The following COL4A4 variants were observed in gnomAD, a reference collection of about 807,000 sequenced individuals.
COL4A4 encodes collagen type IV alpha 4 chain.
Under a neutral mutation model 192.9 loss-of-function variants are expected in COL4A4, and 105 were observed. That is an observed-to-expected ratio of 0.54 (90% CI 0.46 to 0.64). The LOEUF (loss-of-function observed/expected upper bound fraction) is 0.64. Among genes scored for constraint, COL4A4 ranks in the 30% least tolerant of loss-of-function variants. The pLI, the probability that COL4A4 is intolerant of heterozygous loss-of-function variation, is 0.00. For missense variants in COL4A4, 1,967 were observed against 2,169.3 expected (o/e 0.91, Z 1.85); for synonymous variants, 762 against 769.9 (o/e 0.99, Z 0.17).
the COL4A4 span, among the ~76,000 whole-genome samples, chr2:226,984,556 A>T: frequency 5.3e-5 from 8 of 152,138 alleles, no homozygotes; most frequent in Admixed American, 3.3e-4. Flanking sequence ...CAACGTATGG[A>T]TTTTGAGGGA....
At position 227,146,508 on chromosome 2, in the gene COL4A4, T is replaced by C. The variant is rs574746272; in HGVS notation, c.71+905A>G. Among the ~76,000 whole-genome samples, 6 of 152,262 alleles carry C rather than the reference T, an allele frequency of 3.9e-5. No individual in the cohort carries two copies. In the South Asian group the frequency reaches 1.2e-3, roughly 32 times the overall value. On this transcript the variant is annotated intron_variant, in intron 2 of 47. Transcript: ENST00000396625. ...TGTCATTTTGAGTCTCGTTGAACAA[T>C]CTCATATTGGTTTCCTGTTTTCCTA...
chr2:227,015,491 A>C (rs2149793850), intron 44 of COL4A4, among the ~76,000 whole-genome samples: 1 of 152,252 alleles, frequency 6.6e-6, no homozygotes, highest in African/African-American at 2.4e-5. Context: ...AAGCTCGAGA[A>C]CCAAAGCCTT....
At chr2:226,987,340 A>T in the COL4A4 span, among the ~76,000 whole-genome samples, 1 of 144,646 alleles carries the variant, frequency 6.9e-6, no homozygotes, top group Non-Finnish European at 1.5e-5. Context: ...CTTAAAGTAT[A>T]AAAAAAAAAA....
Position 227,138,760 on chromosome 2 carries a change from G to A in COL4A4, c.192+1401C>T, listed in dbSNP as rs1265971095. On this transcript the variant is annotated intron_variant, in intron 4 of 47. Coordinates refer to ENST00000396625, the MANE Select transcript of COL4A4 (RefSeq NM_000092.5). ...GTCATAACTTATGCTCAATAAGGTA[G>A]CTGCTCCCAGTAAAATAGGCCAACA... Among the ~76,000 whole-genome samples, 4 of 152,296 alleles carry A rather than the reference G, an allele frequency of 2.6e-5. No homozygotes were observed. In the East Asian group the frequency reaches 5.8e-4, roughly 22 times the overall value.
rs750876779 is a variant in COL4A4, at chr2:227,098,775, G to T, written c.1123C>A (p.Pro375Thr). 6.2e-7 allele frequency: 1 copy of T among 1,614,002 alleles called. No homozygotes were observed. The highest frequency in any genetic ancestry group is 2.2e-5 in the East Asian group (1 of 44,876). ...LKGPPGDPGF[P>T]GRYGETGDVG... ...TCCCCTGTTTCTCCATAGCGGCCAG[G>T]GAACCCTGGGTCCCCTGGTGGGCCT... is the stretch of plus-strand genomic sequence containing the variant. Residue 375 changes from proline (P) to threonine (T), a missense_variant, in exon 19 of 48, where the codon CCT becomes ACT. Pro to Thr is a conservative substitution (Grantham distance 38, BLOSUM62 -1). Coordinates refer to ENST00000396625, the MANE Select transcript of COL4A4 (RefSeq NM_000092.5).
At chr2:227,120,863 TG>T in intron 5 of COL4A4, 150 bp downstream of exon 5, 1 of 949,200 alleles carries the variant, frequency 1.1e-6, no homozygotes, top group Non-Finnish European at 1.6e-6. Context: ...CGCTTGAACC[TG>T]GGAGGCGAAG....
At chr2:227,100,325 G>A (rs936499284) in intron 17 of COL4A4, among the ~76,000 whole-genome samples, 2 of 151,224 alleles carry the variant, frequency 1.3e-5, no homozygotes, top group Non-Finnish European at 1.5e-5. Flanking sequence ...CTTCTCAAAT[G>A]TAGAACATAA....
chr2:227,074,053 C>T (rs571220560), intron 25 of COL4A4, among the ~76,000 whole-genome samples: 18 of 151,798 alleles, frequency 1.2e-4, no homozygotes, highest in African/African-American at 4.1e-4. Context: ...ATAAATGGGA[C>T]CCAGTTAAAC....
intron 35 of COL4A4, among the ~76,000 whole-genome samples, chr2:227,046,728 G>A (rs1282617154): frequency 6.6e-6 from 1 of 152,042 alleles, no homozygotes. Flanking sequence ...GTCCTGTTCT[G>A]TCGGCTTGAA....
intron 31 of COL4A4, among the ~76,000 whole-genome samples, chr2:227,054,033 C>G (rs1974775432): frequency 6.6e-6 from 1 of 152,108 alleles, no homozygotes; most frequent in Non-Finnish European, 1.5e-5. Flanking sequence ...GGGTAAAACT[C>G]AAAAACAAGG....
rs907001321 is a variant in COL4A4, at chr2:227,008,427, C to T, written c.4523-123G>A. 7.5e-5 allele frequency: 85 copies of T among 1,133,848 alleles called. 1 individual carries two copies. The South Asian group carries it at 8.9e-4, about 12-fold the overall frequency. The allele number at this position is 1,133,848 out of a possible 1,614,324, so 70.2% of individuals were successfully genotyped here. On this transcript the variant is annotated intron_variant, in intron 46 of 47. Coordinates refer to ENST00000396625, the MANE Select transcript of COL4A4 (RefSeq NM_000092.5). ...TGAAATCTGGAGGCCCTCGCCAAAG[C>T]CTGCTTCTGTGGTGAGGAAGCCATT...
the COL4A4 span, among the ~76,000 whole-genome samples, chr2:226,973,907 C>T: frequency 1.3e-5 from 2 of 152,208 alleles, no homozygotes; most frequent in Admixed American, 1.3e-4. Flanking sequence ...CTGCCCACCC[C>T]TGAGAATCTC....
intron 37 of COL4A4, among the ~76,000 whole-genome samples, chr2:227,039,064 T>C (rs1970275640): frequency 6.6e-6 from 1 of 152,222 alleles, no homozygotes; most frequent in Non-Finnish European, 1.5e-5. Flanking sequence ...TTCCTCACCT[T>C]CTCTTTTTAA....
At position 227,062,538 on chromosome 2, in the gene COL4A4, C is replaced by T; in HGVS notation, c.2048G>A (p.Gly683Glu). The change falls in exon 26 of 48, where the codon GGA becomes GAA. Residue 683 changes from glycine (G) to glutamate (E), a missense_variant. By Grantham distance (98) the Gly-to-Glu change is moderately conservative (BLOSUM62 -2). Coordinates refer to ENST00000396625, the MANE Select transcript of COL4A4 (RefSeq NM_000092.5). ...CTTCTCATTGATAATACCTGGAGGT[C>T]CATCAAAACCTGGAGGGCCATGCCT... ...PGRHGPPGFD[G>E]PPGPKGFPGP... 1 of 1,597,620 alleles carries T rather than the reference C, an allele frequency of 6.3e-7. No homozygotes were observed. The highest frequency in any genetic ancestry group is 8.6e-7 in the Non-Finnish European group (1 of 1,165,290).
chr2:227,121,146 A>G lies in COL4A4; in HGVS notation c.195T>C (p.Gly65=), dbSNP rs201278620. The change falls in exon 5 of 48, where the codon GGT becomes GGC. Residue 65 remains glycine, a splice_region_variant and synonymous_variant. Coordinates refer to ENST00000396625, the MANE Select transcript of COL4A4 (RefSeq NM_000092.5). ...CHCVPEKGSR[G]PPGPPGPQGP... ...CCTGTGGCCCTGGTGGTCCTGGTGGACCCTGAGAAGGAAGATTAAAAAGAA... is the reference window on the plus strand; with the variant it reads ...CCTGTGGCCCTGGTGGTCCTGGTGGGCCCTGAGAAGGAAGATTAAAAAGAA... 7.3e-4 allele frequency: 1,175 copies of G among 1,613,952 alleles called. 6 individuals are homozygous for G. Among genetic ancestry groups the G allele is most frequent in the Middle Eastern group, 5.8e-3 (35 of 6,062 alleles).
the COL4A4 span, among the ~76,000 whole-genome samples, chr2:226,973,224 C>T: frequency 1.4e-4 from 21 of 152,300 alleles, no homozygotes; most frequent in East Asian, 3.7e-3. Context: ...TCATCCAAAC[C>T]ATTTAATTTG....
chr2:227,147,484 C>G lies in COL4A4; in HGVS notation c.-1G>C, dbSNP rs780102207. Reference sequence around the variant, plus strand: ...TTAGTACTATGTGCAGAGACCACATCGCAGGCAAGTCTTAGTACTTAAAAA... The same window carrying G: ...TTAGTACTATGTGCAGAGACCACATGGCAGGCAAGTCTTAGTACTTAAAAA... On this transcript the variant is annotated 5_prime_UTR_variant, in exon 2 of 48. Coordinates refer to ENST00000396625, the MANE Select transcript of COL4A4 (RefSeq NM_000092.5). 4 of 1,613,404 alleles carry G rather than the reference C, an allele frequency of 2.5e-6. No homozygotes were observed. The highest frequency in any genetic ancestry group is 8.5e-7 in the Non-Finnish European group (1 of 1,179,564).
chr2:227,098,147 A>C (rs1483715692), intron 19 of COL4A4, among the ~76,000 whole-genome samples: 1 of 152,182 alleles, frequency 6.6e-6, no homozygotes, highest in Non-Finnish European at 1.5e-5. Flanking sequence ...ATTATGAATG[A>C]AAGTTTTTTT....
At chr2:227,121,238 CT>C in intron 4 of COL4A4, 90 bp from the exon 5 acceptor site, 1 of 1,427,532 alleles carries the variant, frequency 7.0e-7, no homozygotes, top group East Asian at 2.4e-5. Context: ...CTACAGAAGA[CT>C]TGGAAATTAG....
Sources: allele counts gnomAD v4.1 joint callset (sites outside exome capture counted in the v4.1 genomes callset), GRCh38; gene constraint gnomAD v4.1.1; transcripts MANE v1.5; gene names NCBI Gene and HGNC (gene_info 2026-07-23, HGNC 2026-07-21).